The following L2HGDH variants were observed in gnomAD, a reference collection of about 807,000 sequenced individuals.
The protein encoded by L2HGDH is L-2-hydroxyglutarate dehydrogenase.
L2HGDH carries 34 observed loss-of-function variants against 51.5 expected under a neutral mutation model. The observed-to-expected ratio is 0.66, with a 90% CI of 0.50 to 0.88. L2HGDH has a LOEUF of 0.88. L2HGDH is among the 40% of genes least tolerant of loss of function. The pLI is 0.00. For synonymous variants in L2HGDH, 198 were observed against 197.9 expected (o/e 1.00, Z -0.01); for missense variants, 558 against 571.9 (o/e 0.98, Z 0.25).
intron 9 of L2HGDH, 46 bp from the exon 10 acceptor site, chr14:50,247,299 T>C (rs1888065379): frequency 6.3e-7 from 1 of 1,595,382 alleles, no homozygotes; most frequent in Non-Finnish European, 8.6e-7. Context: ...AGACATAGGA[T>C]ACTTTACAAG....
chr14:50,257,117 C>T (rs149575744), intron 9 of L2HGDH, among the ~76,000 whole-genome samples: 15 of 152,104 alleles, frequency 9.9e-5, no homozygotes, highest in African/African-American at 1.4e-4. Context: ...TTAGTAAAGA[C>T]GGGGTTTTGC....
At chr14:50,285,844 G>A (rs1401848643) in intron 4 of L2HGDH, among the ~76,000 whole-genome samples, 1 of 152,166 alleles carries the variant, frequency 6.6e-6, no homozygotes, top group Non-Finnish European at 1.5e-5. Context: ...TTCCCTAGAA[G>A]GTGTCTCTTC....
chr14:50,270,823 C>T (rs1056626686), intron 6 of L2HGDH, among the ~76,000 whole-genome samples: 1 of 151,780 alleles, frequency 6.6e-6, no homozygotes, highest in Non-Finnish European at 1.5e-5. Context: ...ACTGTTTAGC[C>T]TTACTCTATT....
chr14:50,295,089 T>C (rs2029953658), intron 3 of L2HGDH, among the ~76,000 whole-genome samples: 1 of 152,206 alleles, frequency 6.6e-6, no homozygotes, highest in Admixed American at 6.5e-5. Flanking sequence ...TATTTGCAAG[T>C]CACGTAGCTG....
intron 6 of L2HGDH, among the ~76,000 whole-genome samples, chr14:50,277,799 A>C (rs1002471461): frequency 2.0e-5 from 3 of 147,432 alleles, no homozygotes; most frequent in Non-Finnish European, 4.5e-5. Context: ...TAATAATAAT[A>C]ATAATAATAA....
intron 5 of L2HGDH, chr14:50,282,386 T>G: frequency 2.2e-6 from 1 of 452,744 alleles, no homozygotes. Flanking sequence ...TTGTGCTTCA[T>G]AGCCAGTCTT....
chr14:50,249,085 C>G (rs1471673907), intron 9 of L2HGDH, among the ~76,000 whole-genome samples: 4 of 152,164 alleles, frequency 2.6e-5, no homozygotes, highest in African/African-American at 9.7e-5. Flanking sequence ...CTGGGCTCAG[C>G]CAGCGCCAGC....
In L2HGDH at chr14:50,245,248, T is replaced by G; in HGVS notation, c.*1810A>C. On this transcript the variant is annotated 3_prime_UTR_variant, in exon 10 of 10. Coordinates refer to ENST00000267436, the MANE Select transcript of L2HGDH (RefSeq NM_024884.3). ...GGCCAACATTTTGAGAGCCTTAGTG[T>G]GACTAAAGATCAGAGATATAATAGA... is the stretch of plus-strand genomic sequence containing the variant. 1.0e-6 allele frequency: 1 copy of G among 985,130 alleles called. No individual in the cohort carries two copies. Among genetic ancestry groups the G allele is most frequent in the Non-Finnish European group, 1.2e-6 (1 of 829,630 alleles). 61.0% of individuals were successfully genotyped at this position (985,130 alleles called of 1,614,324 possible). A position where few individuals can be genotyped will look rare whatever the true frequency, so the allele number is the denominator to read the frequency against.
chr14:50,257,355 T>C (rs1888728891), intron 9 of L2HGDH, among the ~76,000 whole-genome samples: 1 of 150,746 alleles, frequency 6.6e-6, no homozygotes. Context: ...AACCTAGTCA[T>C]CTGAGGTTTT....
intron 8 of L2HGDH, among the ~76,000 whole-genome samples, chr14:50,266,930 A>G (rs1889368244): frequency 6.6e-6 from 1 of 152,200 alleles, no homozygotes; most frequent in South Asian, 2.1e-4. Context: ...TCGTATTGTT[A>G]GTTTCCTACA....
At chr14:50,268,006 A>C in intron 7 of L2HGDH, 96 bp from the exon 8 acceptor site, 1 of 1,161,192 alleles carries the variant, frequency 8.6e-7, no homozygotes, top group Non-Finnish European at 1.3e-6. Flanking sequence ...CTTTCTTCTC[A>C]TGCATTTAAT....
chr14:50,302,784 C>G (rs2030489837), intron 2 of L2HGDH, 118 bp downstream of exon 2: 1 of 786,306 alleles, frequency 1.3e-6, no homozygotes, highest in South Asian at 1.4e-5. Context: ...GTCCCACACT[C>G]TGCTTTTAGA....
At chr14:50,279,296 G>A (rs915408076) in intron 5 of L2HGDH, among the ~76,000 whole-genome samples, 2 of 151,908 alleles carry the variant, frequency 1.3e-5, no homozygotes, top group Admixed American at 6.6e-5. Context: ...CAAATAGAAG[G>A]CTCACAAATC....
At chr14:50,296,703 G>C (rs1232751240) in intron 3 of L2HGDH, among the ~76,000 whole-genome samples, 1 of 151,198 alleles carries the variant, frequency 6.6e-6, no homozygotes, top group East Asian at 1.9e-4. Context: ...AAACAGAAGA[G>C]TAAGAATCAC....
chr14:50,260,851 C>G (rs1056091317), intron 9 of L2HGDH, among the ~76,000 whole-genome samples: 2 of 152,268 alleles, frequency 1.3e-5, no homozygotes, highest in Middle Eastern at 3.4e-3. Flanking sequence ...CACGGTAGCT[C>G]ACACCTGTAA....
At chr14:50,283,587 C>T (rs1890395637) in intron 5 of L2HGDH, among the ~76,000 whole-genome samples, 2 of 152,168 alleles carry the variant, frequency 1.3e-5, no homozygotes, top group Admixed American at 1.3e-4. Context: ...TTCAAGGATA[C>T]TTAAGTCCCT....
intron 9 of L2HGDH, among the ~76,000 whole-genome samples, chr14:50,259,427 T>C (rs1052852244): frequency 1.3e-5 from 2 of 149,500 alleles, no homozygotes; most frequent in African/African-American, 4.9e-5. Context: ...GATCTCACTA[T>C]GTTGCCAAGG....
chr14:50,281,109 A>G (rs993404282), intron 5 of L2HGDH, among the ~76,000 whole-genome samples: 1 of 152,180 alleles, frequency 6.6e-6, no homozygotes, highest in Non-Finnish European at 1.5e-5. Context: ...CTTCACAATT[A>G]GATTTGCTGT....
intron 6 of L2HGDH, among the ~76,000 whole-genome samples, chr14:50,272,318 TATG>T (rs1349897283): frequency 6.6e-6 from 1 of 152,182 alleles, no homozygotes; most frequent in Non-Finnish European, 1.5e-5. Context: ...TATTCTATCA[TATG>T]ATGCTATACT....
Sources: allele counts gnomAD v4.1 joint callset (sites outside exome capture counted in the v4.1 genomes callset), GRCh38; gene constraint gnomAD v4.1.1; transcripts MANE v1.5; gene names NCBI Gene and HGNC (gene_info 2026-07-23, HGNC 2026-07-21).